PCDHGB1: variants seen among roughly 807,000 people sequenced by gnomAD.
PCDHGB1 encodes protocadherin gamma-B1.
Under a neutral mutation model 56.6 loss-of-function variants are expected in PCDHGB1, and 34 were observed. The observed-to-expected ratio is 0.60, with a 90% CI of 0.46 to 0.80. The LOEUF (loss-of-function observed/expected upper bound fraction) is 0.80. Ranked by LOEUF, PCDHGB1 falls within the 30% of genes least tolerant of loss-of-function variation. The pLI is 0.00. For synonymous variants in PCDHGB1, 561 were observed against 505.9 expected, an observed-to-expected ratio of 1.11 and a Z score of -1.46; for missense variants, 1,278 against 1,204.6, an observed-to-expected ratio of 1.06 and a Z score of -0.90.
chr5:141,383,083 C>G, intron 1 of PCDHGB1: 1 of 1,613,852 alleles, frequency 6.2e-7, no homozygotes. Flanking sequence ...GCTGGCGGAG[C>G]GCGGAGTCCG....
At chr5:141,386,203 G>A (rs2090496623) in intron 1 of PCDHGB1, among the ~76,000 whole-genome samples, 1 of 152,140 alleles carries the variant, frequency 6.6e-6, no homozygotes, top group Non-Finnish European at 1.5e-5. Flanking sequence ...TAGACCAGTA[G>A]TTGATTTTAT....
chr5:141,374,561 C>A, intron 1 of PCDHGB1: 1 of 1,613,628 alleles, frequency 6.2e-7, no homozygotes. Context: ...GGTCTATGAC[C>A]CTGATGTGGG....
Position 141,486,979 on chromosome 5 carries a change from C to T in PCDHGB1, c.2410-7828C>T. On this transcript the variant is annotated intron_variant, in intron 1 of 3. Transcript: ENST00000523390. This position sits in a 1 kb window ranked among gnomAD's most constrained non-coding sequence, Gnocchi z 5.0. ...CTGCTGTGGACTTGGATTCAGGTTACAATGCTTGGGTTTCCTATCAGCTCC... is the reference window on the plus strand; with the variant it reads ...CTGCTGTGGACTTGGATTCAGGTTATAATGCTTGGGTTTCCTATCAGCTCC... 6.2e-7 allele frequency: 1 copy of T among 1,614,200 alleles called. No individual in the cohort carries two copies. Among genetic ancestry groups the T allele is most frequent in the Non-Finnish European group, 8.5e-7 (1 of 1,180,032 alleles).
chr5:141,368,214 T>C (rs983603842), intron 1 of PCDHGB1, among the ~76,000 whole-genome samples: 12 of 152,194 alleles, frequency 7.9e-5, no homozygotes, highest in African/African-American at 2.9e-4. Flanking sequence ...ATATTACAAA[T>C]GGGATAGTAA....
At chr5:141,376,144 G>A (rs753001081) in intron 1 of PCDHGB1, 6 of 1,613,800 alleles carry the variant, frequency 3.7e-6, no homozygotes, top group South Asian at 1.1e-5. Context: ...CCAACGATTC[G>A]GACCTCACTC....
chr5:141,477,393 G>C lies in PCDHGB1; in HGVS notation c.2410-17414G>C. ...GAGACTGTGCCAGAATACAACCTCA[G>C]CATCACCGCCCGAGACGCCGGAACC... On this transcript the variant is annotated intron_variant, in intron 1 of 3. Coordinates refer to ENST00000523390, the MANE Select transcript of PCDHGB1 (RefSeq NM_018922.3). The surrounding 1 kb of genome is among the most constrained non-coding windows in gnomAD (Gnocchi z 4.9). The C allele has an allele frequency of 6.2e-7, 1 of 1,614,098 alleles. No individual in the cohort carries two copies. The highest frequency in any genetic ancestry group is 8.5e-7 in the Non-Finnish European group (1 of 1,180,028).
At chr5:141,365,613 G>T in intron 1 of PCDHGB1, 1 of 1,613,548 alleles carries the variant, frequency 6.2e-7, no homozygotes, top group East Asian at 2.2e-5. Flanking sequence ...ATGGACCATG[G>T]AACCCCGCCC....
At chr5:141,505,123 C>T (rs1320836386) in intron 2 of PCDHGB1, among the ~76,000 whole-genome samples, 1 of 152,192 alleles carries the variant, frequency 6.6e-6, no homozygotes, top group African/African-American at 2.4e-5. Flanking sequence ...GATCGCGCCA[C>T]TGCACTCCAG....
rs1390739125 is a variant in PCDHGB1 at position 141,490,094 on chromosome 5, C to T, written c.2410-4713C>T. ...CTAGACTATTCTTTTGGAGACCACA[C>T]ATCTGAGGCAGTGCGGAACCTCTTT... On this transcript the variant is annotated intron_variant, in intron 1 of 3. Coordinates refer to ENST00000523390, the MANE Select transcript of PCDHGB1 (RefSeq NM_018922.3). This position sits in a 1 kb window ranked among gnomAD's most constrained non-coding sequence, Gnocchi z 5.4. 1 of 1,614,250 alleles carries T rather than the reference C, an allele frequency of 6.2e-7. No individual in the cohort carries two copies. The highest frequency in any genetic ancestry group is 2.2e-5 in the East Asian group (1 of 44,888).
intron 1 of PCDHGB1, chr5:141,377,664 C>T (rs1042522537): frequency 6.6e-6 from 1 of 151,600 alleles, no homozygotes; most frequent in South Asian, 2.1e-4. Context: ...AAACGACAGA[C>T]GTTCATACAA....
Position 141,351,705 on chromosome 5 carries a change from G to C in PCDHGB1, c.1445G>C (p.Arg482Thr). ...ASDPDLGPNG[R>T]VSYSILASDL... Reference sequence around the variant, plus strand: ...GACCCGGATTTGGGACCCAACGGCAGAGTCTCCTACTCTATTCTGGCCAGT... The same window carrying C: ...GACCCGGATTTGGGACCCAACGGCACAGTCTCCTACTCTATTCTGGCCAGT... Residue 482 changes from arginine (R) to threonine (T), a missense_variant, in exon 1 of 4, where the codon AGA becomes ACA. Physicochemically the swap from Arg to Thr is moderately conservative, Grantham distance 71. Transcript: ENST00000523390. The C allele has an allele frequency of 6.2e-7, 1 of 1,613,928 alleles. No individual in the cohort carries two copies. Among genetic ancestry groups the C allele is most frequent in the Non-Finnish European group, 8.5e-7 (1 of 1,179,916 alleles).
In PCDHGB1 at chr5:141,394,836, T is replaced by G. The variant is rs116789057; in HGVS notation, c.2409+42167T>G. On this transcript the variant is annotated intron_variant, in intron 1 of 3. Transcript: ENST00000523390. Reference sequence around the variant, plus strand: ...CAGCATCCCCGAAGTCCTGACCGAGTTGGGCAGTCTGAAGCCTTCGGTCGA... The same window carrying G: ...CAGCATCCCCGAAGTCCTGACCGAGGTGGGCAGTCTGAAGCCTTCGGTCGA... 1,507 of 1,613,748 alleles carry G rather than the reference T, an allele frequency of 9.3e-4. 9 individuals carry two copies. The African/African-American group carries it at 0.016, about 17-fold the overall frequency.
At position 141,356,585 on chromosome 5, in the gene PCDHGB1, C is replaced by T. The variant is rs11575950; in HGVS notation, c.2409+3916C>T. 9 of 1,614,174 alleles carry T rather than the reference C, an allele frequency of 5.6e-6. 1 individual carries two copies. The South Asian group carries it at 9.9e-5, about 18-fold the overall frequency. ...CATGCTTCCTACTCTGCTTACATTC[C>T]TGAAAACAACCCCAGAGGAGCCTCC... is the stretch of plus-strand genomic sequence containing the variant. On this transcript the variant is annotated intron_variant, in intron 1 of 3. Coordinates refer to ENST00000523390, the MANE Select transcript of PCDHGB1 (RefSeq NM_018922.3).
chr5:141,490,476 G>A lies in PCDHGB1; in HGVS notation c.2410-4331G>A. 1 of 1,614,208 alleles carries A rather than the reference G, an allele frequency of 6.2e-7. No homozygotes were observed. The highest frequency in any genetic ancestry group is 8.5e-7 in the Non-Finnish European group (1 of 1,180,046). On this transcript the variant is annotated intron_variant, in intron 1 of 3. Transcript: ENST00000523390. The surrounding 1 kb of genome is among the most constrained non-coding windows in gnomAD (Gnocchi z 5.4). ...ACTCGCTGCTAACCAGCCAGCCTTT[G>A]GACCGGGAGGCCACATCCCACTATA...
intron 1 of PCDHGB1, chr5:141,475,832 T>C: frequency 2.4e-6 from 1 of 410,610 alleles, no homozygotes; most frequent in Non-Finnish European, 4.4e-6. Flanking sequence ...CTAGCGCGTG[T>C]CCTGCTCAGA....
At chr5:141,355,399 G>T in intron 1 of PCDHGB1, 1 of 1,614,086 alleles carries the variant, frequency 6.2e-7, no homozygotes, top group Non-Finnish European at 8.5e-7. Flanking sequence ...AGTCCGCATC[G>T]TCTCCAGAGG....
At chr5:141,469,424 AC>A (rs1173507321) in intron 1 of PCDHGB1, among the ~76,000 whole-genome samples, 1 of 151,864 alleles carries the variant, frequency 6.6e-6, no homozygotes, top group East Asian at 1.9e-4. Context: ...AAAATATAAA[AC>A]TTAGCTGGGC....
intron 1 of PCDHGB1, among the ~76,000 whole-genome samples, chr5:141,462,763 G>A (rs935087747): frequency 2.6e-5 from 4 of 152,036 alleles, no homozygotes; most frequent in Non-Finnish European, 4.4e-5. Context: ...TTTTCTTCCT[G>A]GCTTGGGGTC....
At chr5:141,498,520 A>T (rs1178141390) in intron 2 of PCDHGB1, among the ~76,000 whole-genome samples, 1 of 149,264 alleles carries the variant, frequency 6.7e-6, no homozygotes, top group Non-Finnish European at 1.5e-5. Flanking sequence ...CATCTTGCCC[A>T]CTGCCCTCCA....
Sources: gnomAD v4.1 joint callset for allele counts (sites outside exome capture counted in the v4.1 genomes callset) on GRCh38, gnomAD v4.1.1 for gene constraint, Gnocchi (gnomAD v3.1) non-coding constraint, MANE v1.5 for transcripts, NCBI Gene and HGNC (gene_info 2026-07-23, HGNC 2026-07-21) for gene names.